Variants in UBE2E2 observed in about 807,000 individuals in gnomAD.
UBE2E2 encodes the protein ubiquitin-conjugating enzyme E2 E2.
Under a neutral mutation model 24.7 loss-of-function variants are expected in UBE2E2, and 6 were observed. That is an observed-to-expected ratio of 0.24 (90% CI 0.13 to 0.48). The LOEUF is 0.48. UBE2E2 is among the 20% of genes least tolerant of loss of function. The probability of loss-of-function intolerance (pLI) is 0.99; values close to 1 mark genes in which losing one functional copy is unlikely to be tolerated. For missense variants in UBE2E2, 169 were observed against 245.0 expected (o/e 0.69, Z 2.07); for synonymous variants, 104 against 83.6 (o/e 1.24, Z -1.33).
intron 5 of UBE2E2, among the ~76,000 whole-genome samples, chr3:23,538,575 C>T (rs1428632258): frequency 6.6e-6 from 1 of 152,094 alleles, no homozygotes; most frequent in Admixed American, 6.5e-5. Context: ...CCTGGGACAC[C>T]GTCCCCTTCC....
At chr3:23,260,962 GC>G (rs1386059519) in intron 3 of UBE2E2, among the ~76,000 whole-genome samples, 1 of 152,100 alleles carries the variant, frequency 6.6e-6, no homozygotes. Flanking sequence ...AATTACCTGG[GC>G]GTGGTGGCAT....
intron 3 of UBE2E2, among the ~76,000 whole-genome samples, chr3:23,467,042 G>A (rs912073390): frequency 2.0e-5 from 3 of 152,120 alleles, no homozygotes; most frequent in Admixed American, 6.5e-5. Context: ...AAAGTCTGAG[G>A]TAAAACCCCA....
rs150659961 is a variant in UBE2E2, at chr3:23,363,234, A to G, written c.228-136374A>G. On this transcript the variant is annotated intron_variant, in intron 3 of 5. Coordinates refer to ENST00000396703, the MANE Select transcript of UBE2E2 (RefSeq NM_152653.4). ...TAGACTAGTAATGCTATAAAGCAGC[A>G]ACACAATCAAGTCTGTGTGATAACC... Among the ~76,000 whole-genome samples the G allele has an allele frequency of 2.4e-3, 361 of 152,350 alleles. 3 individuals are homozygous for G. Among genetic ancestry groups the G allele is most frequent in the African/African-American group, 8.3e-3 (345 of 41,590 alleles).
intron 4 of UBE2E2, among the ~76,000 whole-genome samples, chr3:23,507,564 T>C (rs1694485939): frequency 1.3e-5 from 2 of 152,182 alleles, no homozygotes; most frequent in South Asian, 2.1e-4. Flanking sequence ...ATCAGAAAAC[T>C]GAGCTCCATG....
At chr3:23,419,563 G>A (rs1697744350) in intron 3 of UBE2E2, among the ~76,000 whole-genome samples, 1 of 152,178 alleles carries the variant, frequency 6.6e-6, no homozygotes. Context: ...AGTTGTGGAT[G>A]TTGCTTGAGA....
intron 3 of UBE2E2, among the ~76,000 whole-genome samples, chr3:23,314,832 C>A (rs1445396028): frequency 6.6e-6 from 1 of 152,162 alleles, no homozygotes; most frequent in Non-Finnish European, 1.5e-5. Flanking sequence ...TATTGGAGCT[C>A]CATTGTATGT....
chr3:23,377,588 G>A (rs1044869207), intron 3 of UBE2E2, among the ~76,000 whole-genome samples: 2 of 152,198 alleles, frequency 1.3e-5, no homozygotes, highest in African/African-American at 2.4e-5. Flanking sequence ...CAAATATTGG[G>A]AGGACCTGGT....
chr3:23,319,397 G>A (rs1196260349), intron 3 of UBE2E2, among the ~76,000 whole-genome samples: 2 of 152,128 alleles, frequency 1.3e-5, no homozygotes, highest in African/African-American at 4.8e-5. Flanking sequence ...TGAAAATGTT[G>A]TGTGTGTTAG....
At chr3:23,295,324 T>C (rs1305805571) in intron 3 of UBE2E2, among the ~76,000 whole-genome samples, 5 of 152,208 alleles carry the variant, frequency 3.3e-5, no homozygotes, top group South Asian at 4.1e-4. Context: ...CTGTCTTTGC[T>C]GGTTTCTTTT....
chr3:23,357,177 T>G (rs1222426739), intron 3 of UBE2E2, among the ~76,000 whole-genome samples: 1 of 152,234 alleles, frequency 6.6e-6, no homozygotes, highest in Non-Finnish European at 1.5e-5. Context: ...CCGGAAGGAA[T>G]GGGATATCAG....
At chr3:23,340,462 G>T (rs1387722608) in intron 3 of UBE2E2, among the ~76,000 whole-genome samples, 3 of 152,004 alleles carry the variant, frequency 2.0e-5, no homozygotes, top group African/African-American at 7.2e-5. Context: ...ATAATTACAG[G>T]TTGCCATTAT....
intron 5 of UBE2E2, among the ~76,000 whole-genome samples, chr3:23,552,226 C>T (rs1455180258): frequency 6.6e-6 from 1 of 152,142 alleles, no homozygotes; most frequent in Non-Finnish European, 1.5e-5. Flanking sequence ...TGGTGGCACC[C>T]CCCTGTAGTC....
At chr3:23,247,041 G>T (rs1697431236) in intron 3 of UBE2E2, among the ~76,000 whole-genome samples, 1 of 151,772 alleles carries the variant, frequency 6.6e-6, no homozygotes, top group African/African-American at 2.4e-5. Context: ...TTATTGTAGA[G>T]ACAGAGTCTT....
intron 3 of UBE2E2, among the ~76,000 whole-genome samples, chr3:23,367,404 A>G (rs890913744): frequency 1.3e-5 from 2 of 152,072 alleles, no homozygotes; most frequent in African/African-American, 4.8e-5. Flanking sequence ...TCACACCAAC[A>G]TCTGTGCTGA....
At chr3:23,534,655 ATGTCCATTCTTT>A (rs1359172432) in intron 5 of UBE2E2, among the ~76,000 whole-genome samples, 2 of 151,990 alleles carry the variant, frequency 1.3e-5, no homozygotes, top group African/African-American at 4.8e-5. Flanking sequence ...AAGTAGTCAA[ATGTCCATTCTTT>A]TGCTTAATGG....
chr3:23,580,291 C>T (rs1452489349), intron 5 of UBE2E2, among the ~76,000 whole-genome samples: 4 of 152,194 alleles, frequency 2.6e-5, no homozygotes, highest in Admixed American at 1.3e-4. Flanking sequence ...GAGAGTCGAT[C>T]GATGCGGCAA....
intron 3 of UBE2E2, among the ~76,000 whole-genome samples, chr3:23,262,083 C>T (rs1229212547): frequency 2.0e-5 from 3 of 152,162 alleles, no homozygotes; most frequent in African/African-American, 7.2e-5. Context: ...TTACATTCCC[C>T]ACAAGAATTG....
intron 3 of UBE2E2, among the ~76,000 whole-genome samples, chr3:23,429,707 A>G (rs1158898821): frequency 5.3e-5 from 8 of 152,348 alleles, no homozygotes; most frequent in African/African-American, 1.4e-4. Context: ...GGGAAAGTAT[A>G]CTAATTGGAA....
chr3:23,528,679 C>T (rs1200601231), intron 4 of UBE2E2, among the ~76,000 whole-genome samples: 4 of 152,186 alleles, frequency 2.6e-5, no homozygotes, highest in Non-Finnish European at 4.4e-5. Flanking sequence ...ATTGCTTCTG[C>T]GTATCTCTTA....
Sources: gnomAD v4.1 joint callset for allele counts (sites outside exome capture counted in the v4.1 genomes callset) on GRCh38, gnomAD v4.1.1 for gene constraint, MANE v1.5 for transcripts, NCBI Gene and HGNC (gene_info 2026-07-23, HGNC 2026-07-21) for gene names.